The following BLTP3B variants were observed in gnomAD, a reference collection of about 807,000 sequenced individuals.
BLTP3B encodes the protein bridge-like lipid transfer protein family member 3B, also known as UHRF1 (ICBP90) binding protein 1-like.
chr12:100,060,693 A>G, the BLTP3B span, among the ~76,000 whole-genome samples: 1 of 152,170 alleles, frequency 6.6e-6, no homozygotes, highest in Non-Finnish European at 1.5e-5. Flanking sequence ...CCTAAAATAA[A>G]CTAATATTTA....
chr12:100,047,828 C>A, the BLTP3B span: 2 of 1,211,348 alleles, frequency 1.7e-6, no homozygotes, highest in Admixed American at 6.4e-5. Context: ...AAGACAAAAT[C>A]ATTTTAATAA....
At chr12:100,055,943 T>C in the BLTP3B span, among the ~76,000 whole-genome samples, 16 of 152,318 alleles carry the variant, frequency 1.1e-4, no homozygotes, top group African/African-American at 2.9e-4. Context: ...CAGTATACTA[T>C]TGACAGAATT....
At chr12:100,077,758 T>C in the BLTP3B span, among the ~76,000 whole-genome samples, 5 of 152,356 alleles carry the variant, frequency 3.3e-5, no homozygotes, top group South Asian at 2.1e-4. Context: ...AGAAATCTTT[T>C]ATTTTTTAAG....
At chr12:100,113,725 A>T in the BLTP3B span, among the ~76,000 whole-genome samples, 5 of 152,112 alleles carry the variant, frequency 3.3e-5, no homozygotes, top group Admixed American at 1.3e-4. Flanking sequence ...TGGGAGGCCA[A>T]GGTAGGAAGA....
the BLTP3B span, among the ~76,000 whole-genome samples, chr12:100,065,345 G>A: frequency 1.6e-4 from 25 of 152,178 alleles, no homozygotes; most frequent in Non-Finnish European, 2.8e-4. Flanking sequence ...GGGAACAAGG[G>A]AAGACAACCA....
At chr12:100,104,388 G>A in the BLTP3B span, among the ~76,000 whole-genome samples, 2 of 151,588 alleles carry the variant, frequency 1.3e-5, no homozygotes, top group African/African-American at 4.8e-5. Context: ...ATTTTTAGTA[G>A]AGACAGTGTT....
chr12:100,095,305 A>G, the BLTP3B span, among the ~76,000 whole-genome samples: 1 of 152,344 alleles, frequency 6.6e-6, no homozygotes, highest in South Asian at 2.1e-4. Context: ...GATTCTCTGC[A>G]CAGTTAACTC....
the BLTP3B span, among the ~76,000 whole-genome samples, chr12:100,120,405 T>A: frequency 6.6e-6 from 1 of 151,600 alleles, no homozygotes; most frequent in Non-Finnish European, 1.5e-5. Flanking sequence ...AAAAATAAAA[T>A]AGGCAAAAGA....
At chr12:100,133,017 G>A in the BLTP3B span, among the ~76,000 whole-genome samples, 4 of 152,104 alleles carry the variant, frequency 2.6e-5, no homozygotes, top group Non-Finnish European at 2.9e-5. Flanking sequence ...GCCAAGGCAG[G>A]CAGATCACGA....
the BLTP3B span, among the ~76,000 whole-genome samples, chr12:100,124,974 A>ATATATATATATATATT: frequency 1.6e-4 from 16 of 100,378 alleles, no homozygotes; most frequent in African/African-American, 8.3e-4. Context: ...ATATATATAT[A>ATATATATATATATATT]TATATTTATA....
chr12:100,120,328 G>A, the BLTP3B span, among the ~76,000 whole-genome samples: 5 of 151,854 alleles, frequency 3.3e-5, no homozygotes, highest in African/African-American at 7.3e-5. Flanking sequence ...AGCCAAGATC[G>A]CACCACTGCA....
At chr12:100,096,036 G>A in the BLTP3B span, among the ~76,000 whole-genome samples, 3 of 152,178 alleles carry the variant, frequency 2.0e-5, no homozygotes, top group African/African-American at 4.8e-5. Context: ...TGGATCACCC[G>A]AGGTCAGGAG....
At chr12:100,047,645 G>T in the BLTP3B span, 2 of 1,570,828 alleles carry the variant, frequency 1.3e-6, no homozygotes, top group Non-Finnish European at 1.8e-6. Context: ...CATCCTACAG[G>T]AAAGAAAAAT....
At chr12:100,054,322 G>C in the BLTP3B span, among the ~76,000 whole-genome samples, 1 of 152,036 alleles carries the variant, frequency 6.6e-6, no homozygotes. Context: ...ACATATATAT[G>C]GGTACATACA....
chr12:100,097,389 T>C, the BLTP3B span: 1 of 1,612,244 alleles, frequency 6.2e-7, no homozygotes, highest in Non-Finnish European at 8.5e-7. Flanking sequence ...TGACTCTGAT[T>C]TTTGATTGGT....
At chr12:100,100,261 C>CA in the BLTP3B span, among the ~76,000 whole-genome samples, 4 of 150,762 alleles carry the variant, frequency 2.7e-5, no homozygotes, top group African/African-American at 7.3e-5. Context: ...GCTGAGATGG[C>CA]ACCACTGCAC....
chr12:100,130,646 T>A, the BLTP3B span, among the ~76,000 whole-genome samples: 1 of 152,144 alleles, frequency 6.6e-6, no homozygotes, highest in East Asian at 1.9e-4. Flanking sequence ...CTGGGCGCGG[T>A]GGCTCATGCC....
chr12:100,121,355 A>G, the BLTP3B span, among the ~76,000 whole-genome samples: 21 of 66,610 alleles, frequency 3.2e-4, no homozygotes, highest in Non-Finnish European at 4.8e-4. Context: ...CATCTCATGG[A>G]AAAAAAAAAA....
the BLTP3B span, among the ~76,000 whole-genome samples, chr12:100,076,877 C>T: frequency 5.3e-4 from 80 of 152,024 alleles, no homozygotes; most frequent in Admixed American, 5.0e-3. Flanking sequence ...AAAACCTATT[C>T]GAATTGGGAC....
Sources: allele counts gnomAD v4.1 joint callset (sites outside exome capture counted in the v4.1 genomes callset), GRCh38; gene constraint gnomAD v4.1.1; transcripts MANE v1.5; gene names NCBI Gene and HGNC (gene_info 2026-07-23, HGNC 2026-07-21).